Variants in PRKAG2 observed in about 807,000 individuals in gnomAD.
The protein encoded by PRKAG2 is 5'-AMP-activated protein kinase subunit gamma-2.
Under a neutral mutation model 69.6 loss-of-function variants are expected in PRKAG2, and 26 were observed. That is an observed-to-expected ratio of 0.37 (90% CI 0.27 to 0.52). The LOEUF (loss-of-function observed/expected upper bound fraction) is 0.52, where lower values mean the gene tolerates loss of function less well. PRKAG2 is among the 20% of genes least tolerant of loss of function. The pLI, the probability that PRKAG2 is intolerant of heterozygous loss-of-function variation, is 0.90. For missense variants in PRKAG2, 557 were observed against 740.0 expected (o/e 0.75, Z 2.87); for synonymous variants, 293 against 285.0 (o/e 1.03, Z -0.28).
chr7:151,679,263 A>T (rs1208856780), intron 3 of PRKAG2, among the ~76,000 whole-genome samples: 2 of 152,166 alleles, frequency 1.3e-5, no homozygotes, highest in Non-Finnish European at 2.9e-5. Flanking sequence ...CTGCAGGGGC[A>T]GAGCAAAGAA....
chr7:151,669,806 G>GCA (rs531455865), intron 4 of PRKAG2, among the ~76,000 whole-genome samples: 8,244 of 88,888 alleles, frequency 0.093, 548 homozygotes, highest in African/African-American at 0.25. Flanking sequence ...GCACACACTT[G>GCA]CACACACACA....
At chr7:151,750,072 G>A (rs1426910265) in intron 3 of PRKAG2, among the ~76,000 whole-genome samples, 2 of 147,286 alleles carry the variant, frequency 1.4e-5, no homozygotes, top group Non-Finnish European at 3.0e-5. Flanking sequence ...ATTCCAGCTT[G>A]GGTGACACAG....
intron 4 of PRKAG2, among the ~76,000 whole-genome samples, chr7:151,644,346 G>T (rs535996968): frequency 1.7e-4 from 26 of 152,046 alleles, no homozygotes; most frequent in African/African-American, 6.3e-4. Flanking sequence ...CTCCTTTGTG[G>T]TTCACCCCTT....
chr7:151,750,096 C>CAAAAAAAAAA (rs35915808), intron 3 of PRKAG2, among the ~76,000 whole-genome samples: 1 of 63,022 alleles, frequency 1.6e-5, no homozygotes. Context: ...GACTCCATCT[C>CAAAAAAAAAA]AAAAAAAAAA....
At chr7:151,616,294 AT>A (rs1820127603) in intron 5 of PRKAG2, among the ~76,000 whole-genome samples, 1 of 152,140 alleles carries the variant, frequency 6.6e-6, no homozygotes, top group Non-Finnish European at 1.5e-5. Flanking sequence ...ACATGCACAT[AT>A]GCACACAGGC....
Position 151,614,110 on chromosome 7 carries a change from C to T in PRKAG2, c.754+17959G>A, listed in dbSNP as rs948635921. On this transcript the variant is annotated intron_variant, in intron 5 of 15. Coordinates refer to ENST00000287878, the MANE Select transcript of PRKAG2 (RefSeq NM_016203.4). This position sits in a 1 kb window ranked among gnomAD's most constrained non-coding sequence, Gnocchi z 4.4. ...ACTCTCTGGTCTCACTGGAGCCGACCAGGAGGTGCCCCGTTCCCACGGCTA... is the reference window on the plus strand; with the variant it reads ...ACTCTCTGGTCTCACTGGAGCCGACTAGGAGGTGCCCCGTTCCCACGGCTA... Among the ~76,000 whole-genome samples the T allele has an allele frequency of 6.6e-6, 1 of 152,180 alleles. No homozygotes were observed. The highest frequency in any genetic ancestry group is 1.5e-5 in the Non-Finnish European group (1 of 68,028).
intron 1 of PRKAG2, among the ~76,000 whole-genome samples, chr7:151,859,270 G>C (rs1586736644): frequency 1.3e-5 from 2 of 152,368 alleles, no homozygotes; most frequent in Admixed American, 1.3e-4. Context: ...ACGGGGCGGG[G>C]CGAGGTGAGG....
intron 3 of PRKAG2, among the ~76,000 whole-genome samples, chr7:151,726,278 G>A (rs936907351): frequency 2.0e-5 from 3 of 152,086 alleles, no homozygotes; most frequent in Middle Eastern, 3.2e-3. Context: ...GAGCCGGATG[G>A]TGGCAGAAGA....
chr7:151,744,544 C>T (rs1003918303), intron 3 of PRKAG2, among the ~76,000 whole-genome samples: 2 of 152,244 alleles, frequency 1.3e-5, no homozygotes, highest in African/African-American at 4.8e-5. Context: ...TATCTCTGGA[C>T]TTCCAATTAT....
Position 151,672,606 on chromosome 7 carries a change from T to C in PRKAG2, c.684+2814A>G, listed in dbSNP as rs10247579. 4.8e-3 allele frequency among the ~76,000 whole-genome samples: 732 copies of C among 151,656 alleles called. 3 individuals are homozygous for C. Among genetic ancestry groups the C allele is most frequent in the African/African-American group, 0.017 (699 of 41,286 alleles). The stretch of plus-strand genomic sequence containing the variant: ...TCTCTATTTGGATGACTCTAGGGAC[T>C]CCTATAAGTGGCATTATGCAGTATG... On this transcript the variant is annotated intron_variant, in intron 4 of 15. Coordinates refer to ENST00000287878, the MANE Select transcript of PRKAG2 (RefSeq NM_016203.4).
At chr7:151,852,682 C>T (rs903472339) in intron 1 of PRKAG2, among the ~76,000 whole-genome samples, 2 of 152,050 alleles carry the variant, frequency 1.3e-5, no homozygotes, top group Non-Finnish European at 2.9e-5. Flanking sequence ...GATGCCAACC[C>T]CACACGCCTG....
intron 3 of PRKAG2, among the ~76,000 whole-genome samples, chr7:151,720,993 T>C (rs1796996626): frequency 8.5e-6 from 1 of 117,674 alleles, no homozygotes; most frequent in Non-Finnish European, 1.7e-5. Flanking sequence ...GCAGAGGGGA[T>C]GGAGGGAATG....
At chr7:151,766,960 C>T (rs1024023062) in intron 3 of PRKAG2, among the ~76,000 whole-genome samples, 7 of 152,292 alleles carry the variant, frequency 4.6e-5, no homozygotes, top group Non-Finnish European at 1.0e-4. Context: ...CACCTCCAAA[C>T]GTGACCTCAT....
intron 5 of PRKAG2, among the ~76,000 whole-genome samples, chr7:151,606,536 T>C (rs1177629788): frequency 6.6e-6 from 1 of 152,148 alleles, no homozygotes; most frequent in African/African-American, 2.4e-5. Flanking sequence ...TCAAAATTCC[T>C]TGGCCGCGTG....
chr7:151,817,629 C>A (rs2078676124), intron 1 of PRKAG2, among the ~76,000 whole-genome samples: 1 of 152,220 alleles, frequency 6.6e-6, no homozygotes, highest in Admixed American at 6.5e-5. Context: ...CCCTAAAGCC[C>A]CTCCCTGGCA....
intron 5 of PRKAG2, among the ~76,000 whole-genome samples, chr7:151,596,850 C>A (rs1309401657): frequency 2.6e-5 from 4 of 151,746 alleles, no homozygotes; most frequent in African/African-American, 9.7e-5. Context: ...TTAAAATGAC[C>A]ACACTATCCA....
chr7:151,727,937 C>A (rs563805423), intron 3 of PRKAG2, among the ~76,000 whole-genome samples: 1 of 152,338 alleles, frequency 6.6e-6, no homozygotes, highest in East Asian at 1.9e-4. Context: ...CTTCCTCCTC[C>A]TGCAGTCATG....
chr7:151,584,343 G>A (rs1811149795), intron 6 of PRKAG2, among the ~76,000 whole-genome samples: 1 of 152,068 alleles, frequency 6.6e-6, no homozygotes, highest in Non-Finnish European at 1.5e-5. Context: ...GCCCACCTGT[G>A]AACTTGGTAT....
chr7:151,799,190 G>T (rs956472739), intron 1 of PRKAG2, among the ~76,000 whole-genome samples: 2 of 152,194 alleles, frequency 1.3e-5, no homozygotes, highest in African/African-American at 4.8e-5. Flanking sequence ...TTCTGTTACA[G>T]GTGGGGTAAC....
Sources: gnomAD v4.1 joint callset for allele counts (sites outside exome capture counted in the v4.1 genomes callset) on GRCh38, gnomAD v4.1.1 for gene constraint, Gnocchi (gnomAD v3.1) non-coding constraint, MANE v1.5 for transcripts, NCBI Gene and HGNC (gene_info 2026-07-23, HGNC 2026-07-21) for gene names.